Variants in SORCS1 observed in about 807,000 individuals in gnomAD.
SORCS1 encodes VPS10 domain-containing receptor SorCS1.
A neutral mutation model predicts 146.1 loss-of-function variants in SORCS1; 60 were observed. The ratio of observed to expected loss-of-function variants is 0.41; its 90% CI spans 0.33 to 0.51. The LOEUF is 0.51. Ranked by LOEUF, SORCS1 falls within the 20% of genes least tolerant of loss-of-function variation. The pLI, the probability that SORCS1 is intolerant of heterozygous loss-of-function variation, is 0.21. For missense variants in SORCS1, 1,352 were observed against 1,487.6 expected (o/e 0.91, Z 1.50); for synonymous variants, 637 against 584.0 (o/e 1.09, Z -1.31).
intron 1 of SORCS1, among the ~76,000 whole-genome samples, chr10:107,096,085 C>T (rs923591153): frequency 6.6e-6 from 1 of 152,172 alleles, no homozygotes; most frequent in African/African-American, 2.4e-5. Flanking sequence ...TAAGATTACA[C>T]AGCACTAAGT....
chr10:106,578,791 A>G, intron 25 of SORCS1: 7 of 1,219,550 alleles, frequency 5.7e-6, no homozygotes, highest in Non-Finnish European at 7.2e-6. Context: ...TATTAAAGCA[A>G]ATGCTTTGCT....
intron 1 of SORCS1, among the ~76,000 whole-genome samples, chr10:106,974,008 G>A (rs1955896905): frequency 6.6e-6 from 1 of 151,942 alleles, no homozygotes; most frequent in Admixed American, 6.6e-5. Context: ...GGATAGGGTG[G>A]AGTGAGAGTC....
At chr10:107,079,335 T>C (rs1036624156) in intron 1 of SORCS1, among the ~76,000 whole-genome samples, 42 of 152,194 alleles carry the variant, frequency 2.8e-4, no homozygotes, top group African/African-American at 7.5e-4. Context: ...TCCATGGATG[T>C]GCCAATACAG....
rs184156101 is a variant in SORCS1, at chr10:106,947,288, T to C, written c.626+9225A>G. The stretch of plus-strand genomic sequence containing the variant: ...TGCATTCATTTTTGATACAACAATA[T>C]CATCTTAAGAATTCTATTGTACTTT... On this transcript the variant is annotated intron_variant, in intron 2 of 25. Coordinates refer to ENST00000263054, the MANE Select transcript of SORCS1 (RefSeq NM_052918.5). 2.2e-4 allele frequency among the ~76,000 whole-genome samples: 33 copies of C among 152,316 alleles called. No individual in the cohort carries two copies. In the East Asian group the frequency reaches 6.2e-3, roughly 28 times the overall value.
intron 2 of SORCS1, among the ~76,000 whole-genome samples, chr10:106,893,205 G>C (rs1461106257): frequency 6.6e-6 from 1 of 152,010 alleles, no homozygotes; most frequent in Non-Finnish European, 1.5e-5. Context: ...GGCCAGCCTT[G>C]AAAACTTTTA....
intron 5 of SORCS1, among the ~76,000 whole-genome samples, chr10:106,738,068 C>T (rs1229645481): frequency 2.0e-5 from 3 of 152,014 alleles, no homozygotes; most frequent in Non-Finnish European, 4.4e-5. Context: ...TTTTTTCAGT[C>T]GTTGTCTATT....
chr10:107,074,280 T>G (rs1590074267), intron 1 of SORCS1, among the ~76,000 whole-genome samples: 1 of 152,180 alleles, frequency 6.6e-6, no homozygotes, highest in African/African-American at 2.4e-5. Context: ...TCATACATAT[T>G]TGGAATCACG....
chr10:106,935,730 C>A (rs537018074), intron 2 of SORCS1, among the ~76,000 whole-genome samples: 17 of 152,304 alleles, frequency 1.1e-4, no homozygotes, highest in African/African-American at 3.8e-4. Context: ...CAAGATCACA[C>A]AATTAGTGGC....
chr10:106,731,601 C>A (rs1856604440), intron 5 of SORCS1, among the ~76,000 whole-genome samples: 1 of 152,128 alleles, frequency 6.6e-6, no homozygotes, highest in Admixed American at 6.6e-5. Flanking sequence ...AAAGGCTTTT[C>A]CTCCGATCAG....
intron 1 of SORCS1, among the ~76,000 whole-genome samples, chr10:107,122,981 A>T (rs1966491653): frequency 1.3e-5 from 2 of 152,082 alleles, no homozygotes; most frequent in Non-Finnish European, 2.9e-5. Context: ...TTTCACATTT[A>T]AGATGAGAAA....
At chr10:106,904,950 T>C (rs1951851833) in intron 2 of SORCS1, among the ~76,000 whole-genome samples, 1 of 152,222 alleles carries the variant, frequency 6.6e-6, no homozygotes, top group Admixed American at 6.5e-5. Flanking sequence ...AATTACAGAC[T>C]AATTAGAAAA....
chr10:106,655,090 C>T (rs900792673), intron 17 of SORCS1, among the ~76,000 whole-genome samples: 1 of 152,142 alleles, frequency 6.6e-6, no homozygotes, highest in African/African-American at 2.4e-5. Context: ...CTCCTGGCTT[C>T]CAGGGATCTG....
chr10:106,774,272 A>G (rs1429728564), intron 4 of SORCS1, among the ~76,000 whole-genome samples: 1 of 152,180 alleles, frequency 6.6e-6, no homozygotes, highest in African/African-American at 2.4e-5. Flanking sequence ...GTTTATACTG[A>G]TATTACTACT....
At chr10:106,932,063 C>T (rs984871506) in intron 2 of SORCS1, among the ~76,000 whole-genome samples, 1 of 151,998 alleles carries the variant, frequency 6.6e-6, no homozygotes, top group Non-Finnish European at 1.5e-5. Flanking sequence ...ACAGTTATAC[C>T]CTGGGGATGT....
chr10:107,044,091 T>C (rs2134006945), intron 1 of SORCS1, among the ~76,000 whole-genome samples: 1 of 152,272 alleles, frequency 6.6e-6, no homozygotes, highest in East Asian at 1.9e-4. Flanking sequence ...TCTATCCTGC[T>C]GGAAACAACA....
At chr10:106,661,152 T>C (rs1410879796) in intron 17 of SORCS1, among the ~76,000 whole-genome samples, 1 of 152,234 alleles carries the variant, frequency 6.6e-6, no homozygotes, top group Non-Finnish European at 1.5e-5. Context: ...TGCTTGTGGA[T>C]GTGCATACTG....
At chr10:106,804,277 G>A (rs1317803290) in intron 3 of SORCS1, among the ~76,000 whole-genome samples, 3 of 151,730 alleles carry the variant, frequency 2.0e-5, no homozygotes, top group Non-Finnish European at 4.4e-5. Flanking sequence ...GTGCTGCAGT[G>A]ATCCATGATT....
intron 14 of SORCS1, 71 bp from the exon 15 acceptor site, chr10:106,673,056 T>TA: frequency 8.0e-7 from 1 of 1,244,466 alleles, no homozygotes; most frequent in South Asian, 1.3e-5. Flanking sequence ...CAGAGAGCAT[T>TA]TGTGGGGCGT....
chr10:106,979,379 G>A (rs984888478), intron 1 of SORCS1, among the ~76,000 whole-genome samples: 3 of 151,914 alleles, frequency 2.0e-5, no homozygotes, highest in Non-Finnish European at 4.4e-5. Flanking sequence ...TGCTACAGGG[G>A]GATTTAGAGA....
Sources: allele counts gnomAD v4.1 joint callset (sites outside exome capture counted in the v4.1 genomes callset), GRCh38; gene constraint gnomAD v4.1.1; transcripts MANE v1.5; gene names NCBI Gene and HGNC (gene_info 2026-07-23, HGNC 2026-07-21).